TNFSF9: variants seen among roughly 807,000 people sequenced by gnomAD.
TNFSF9 encodes the protein TNF superfamily member 9.
Under a neutral mutation model 10.3 loss-of-function variants are expected in TNFSF9, and 10 were observed. The observed-to-expected ratio is 0.97, with a 90% CI of 0.60 to 1.65. TNFSF9 has a LOEUF of 1.65. Among genes scored for constraint, TNFSF9 ranks in the 40% most tolerant of loss-of-function variants. The pLI, the probability that TNFSF9 is intolerant of heterozygous loss-of-function variation, is 0.00. For missense variants in TNFSF9, 361 were observed against 348.9 expected, an observed-to-expected ratio of 1.03 and a Z score of -0.28; for synonymous variants, 195 against 176.1, an observed-to-expected ratio of 1.11 and a Z score of -0.85.
Position 6,534,827 on chromosome 19 carries a change from G to T in TNFSF9, c.526G>T (p.Ala176Ser), listed in dbSNP as rs765101533. The change falls in exon 3 of 3, where the codon GCC becomes TCC. Residue 176 changes from alanine (A) to serine (S), a missense_variant. Ala to Ser is a moderately conservative substitution (Grantham distance 99, BLOSUM62 1). Coordinates refer to ENST00000245817, the MANE Select transcript of TNFSF9 (RefSeq NM_003811.4). The stretch of plus-strand genomic sequence containing the variant: ...GCAGCCACTGCGCTCTGCTGCTGGG[G>T]CCGCCGCCCTGGCTTTGACCGTGGA... ...HLQPLRSAAGAAALALTVDLP... is the reference protein window; with the variant it reads ...HLQPLRSAAGSAALALTVDLP... 6.2e-7 allele frequency: 1 copy of T among 1,604,590 alleles called. No individual in the cohort carries two copies. Among genetic ancestry groups the T allele is most frequent in the Non-Finnish European group, 8.5e-7 (1 of 1,177,250 alleles).
At chr19:6,532,295 GTGTT>G (rs1286105032) in intron 1 of TNFSF9, among the ~76,000 whole-genome samples, 33 of 127,532 alleles carry the variant, frequency 2.6e-4, no homozygotes, top group Middle Eastern at 4.0e-3. Flanking sequence ...GTGTGTGTGT[GTGTT>G]CGTGTTTGTG....
At chr19:6,534,376 C>T (rs1915217946) in intron 2 of TNFSF9, among the ~76,000 whole-genome samples, 1 of 148,880 alleles carries the variant, frequency 6.7e-6, no homozygotes, top group Admixed American at 6.7e-5. Context: ...AGAGTCCCGC[C>T]CCCAACAACC....
chr19:6,532,701 A>T (rs1010112043), intron 1 of TNFSF9, 85 bp from the exon 2 acceptor site: 1 of 1,599,612 alleles, frequency 6.3e-7, no homozygotes, highest in Non-Finnish European at 8.6e-7. Context: ...GACTCTGGGG[A>T]CCCTGACAGC....
intron 2 of TNFSF9, 134 bp downstream of exon 2, chr19:6,532,950 C>A: frequency 7.8e-7 from 1 of 1,275,470 alleles, no homozygotes. Context: ...TCTCTGAAAG[C>A]TGCTACTTCC....
rs1464903344 is a variant in TNFSF9, at chr19:6,535,010, C to A, written c.709C>A (p.Leu237Ile). ...TACCCAGGGCGCCACAGTCTTGGGA[C>A]TCTTCCGGGTGACCCCCGAAATCCC... Reference protein sequence around the residue: ...QLTQGATVLGLFRVTPEIPAG... With the variant: ...QLTQGATVLGIFRVTPEIPAG... Residue 237 changes from leucine (L) to isoleucine (I), a missense_variant, in exon 3 of 3, where the codon CTC becomes ATC. Leu to Ile is a conservative substitution (Grantham distance 5). Coordinates refer to ENST00000245817, the MANE Select transcript of TNFSF9 (RefSeq NM_003811.4). The A allele has an allele frequency of 3.6e-5, 58 of 1,598,152 alleles. No homozygotes were observed. Among genetic ancestry groups the A allele is most frequent in the Non-Finnish European group, 4.7e-5 (55 of 1,171,372 alleles).
In TNFSF9 at chr19:6,531,270, C is replaced by T. The variant is rs368392154; in HGVS notation, c.234C>T (p.Pro78=). ...TCCGCGAGGGTCCCGAGCTTTCGCC[C>T]GACGATCCCGCCGGCCTCTTGGACC... is the stretch of plus-strand genomic sequence containing the variant. ...PRLREGPELS[P]DDPAGLLDLR... is the part of the protein sequence containing the mutation. The change falls in exon 1 of 3, where the codon CCC becomes CCT. Residue 78 remains proline (P), a synonymous_variant. Transcript: ENST00000245817. 2.7e-6 allele frequency: 4 copies of T among 1,509,396 alleles called. No individual in the cohort carries two copies. Among genetic ancestry groups the T allele is most frequent in the Non-Finnish European group, 3.5e-6 (4 of 1,137,906 alleles). 93.5% of individuals were successfully genotyped at this position (1,509,396 alleles called of 1,614,324 possible).
chr19:6,534,552 G>T, intron 2 of TNFSF9, 48 bp from the exon 3 acceptor site: 1 of 1,510,724 alleles, frequency 6.6e-7, no homozygotes, highest in Non-Finnish European at 8.9e-7. Context: ...ACGCTCAGCT[G>T]TGCTGGGACA....
In TNFSF9 at chr19:6,534,663, C is replaced by G. The variant is rs1003266757; in HGVS notation, c.362C>G (p.Thr121Arg). The G allele has an allele frequency of 3.1e-6, 5 of 1,590,294 alleles. No individual in the cohort carries two copies. The African/African-American group carries it at 4.0e-5, about 13-fold the overall frequency. ...SDPGLAGVSLTGGLSYKEDTK... is the reference protein window; with the variant it reads ...SDPGLAGVSLRGGLSYKEDTK... ...CCAGGCCTGGCAGGCGTGTCCCTGA[C>G]GGGGGGCCTGAGCTACAAAGAGGAC... The change falls in exon 3 of 3, where the codon ACG becomes AGG. Residue 121 changes from threonine to arginine, a missense_variant. Physicochemically the swap from Thr to Arg is moderately conservative, Grantham distance 71. Coordinates refer to ENST00000245817, the MANE Select transcript of TNFSF9 (RefSeq NM_003811.4).
In TNFSF9 at chr19:6,534,810, T is replaced by C; in HGVS notation, c.509T>C (p.Leu170Pro). 1 of 1,602,578 alleles carries C rather than the reference T, an allele frequency of 6.2e-7. No individual in the cohort carries two copies. The highest frequency in any genetic ancestry group is 8.5e-7 in the Non-Finnish European group (1 of 1,175,724). Residue 170 changes from leucine (L) to proline (P), a missense_variant, in exon 3 of 3, where the codon CTG becomes CCG. By Grantham distance (98) the Leu-to-Pro change is moderately conservative. Transcript: ENST00000245817. ...SVSLALHLQP[L>P]RSAAGAAALA... ...TCACTTGCGCTGCACCTGCAGCCAC[T>C]GCGCTCTGCTGCTGGGGCCGCCGCC...
chr19:6,534,453 TCCCGCTCCCTGC>T, intron 2 of TNFSF9, 135 bp from the exon 3 acceptor site: 1 of 275,170 alleles, frequency 3.6e-6, no homozygotes, highest in South Asian at 2.8e-5. Flanking sequence ...TGCTCCCCTG[TCCCGCTCCCTGC>T]CCCGCCATTC....
Position 6,534,716 on chromosome 19 carries a change from G to A in TNFSF9, c.415G>A (p.Gly139Arg). Reference sequence around the variant, plus strand: ...GAAGGAGCTGGTGGTGGCCAAGGCTGGAGTCTACTATGTCTTCTTTCAACT... The same window carrying A: ...GAAGGAGCTGGTGGTGGCCAAGGCTAGAGTCTACTATGTCTTCTTTCAACT... ...DTKELVVAKA[G>R]VYYVFFQLEL... The change falls in exon 3 of 3, where the codon GGA becomes AGA. Residue 139 changes from glycine (G) to arginine (R), a missense_variant. Coordinates refer to ENST00000245817, the MANE Select transcript of TNFSF9 (RefSeq NM_003811.4). 6.3e-7 allele frequency: 1 copy of A among 1,597,010 alleles called. No individual in the cohort carries two copies. The highest frequency in any genetic ancestry group is 8.5e-7 in the Non-Finnish European group (1 of 1,172,172).
chr19:6,531,936 A>G (rs1033615028), intron 1 of TNFSF9, among the ~76,000 whole-genome samples: 24 of 152,016 alleles, frequency 1.6e-4, no homozygotes, highest in African/African-American at 5.6e-4. Flanking sequence ...CGGTTCTCCA[A>G]CCCTCGACGG....
chr19:6,532,588 C>G (rs1267643074), intron 1 of TNFSF9, among the ~76,000 whole-genome samples, 198 bp from the exon 2 acceptor site: 1 of 141,044 alleles, frequency 7.1e-6, no homozygotes, highest in Non-Finnish European at 1.5e-5. Context: ...TGTGTGTGTT[C>G]GTTTGTGTTT....
intron 2 of TNFSF9, among the ~76,000 whole-genome samples, chr19:6,534,307 C>T (rs928802299): frequency 6.6e-6 from 1 of 151,830 alleles, no homozygotes; most frequent in South Asian, 2.1e-4. Context: ...GTCCTTCTCC[C>T]TGGATTCCCT....
At position 6,531,301 on chromosome 19, in the gene TNFSF9, C is replaced by T; in HGVS notation, c.265C>T (p.Gln89Ter). The part of the protein sequence containing the change: ...DDPAGLLDLR[Q>*]GMFAQLVAQN... ...TCCCGCCGGCCTCTTGGACCTGCGG[C>T]AGGTGAGACGTGCCCCGACCCTCGG... The change falls in exon 1 of 3, where the codon CAG (glutamine) becomes TAG (stop). Residue 89 changes from glutamine (Q) to a stop codon, truncating the protein, a stop_gained and splice_region_variant. Transcript: ENST00000245817. LOFTEE classifies it low-confidence loss of function (END_TRUNC). 6.7e-7 allele frequency: 1 copy of T among 1,491,966 alleles called. No individual in the cohort carries two copies. The highest frequency in any genetic ancestry group is 8.9e-7 in the Non-Finnish European group (1 of 1,128,496). 92.4% of individuals were successfully genotyped at this position (1,491,966 alleles called of 1,614,324 possible). A position where few individuals can be genotyped will look rare whatever the true frequency, so the allele number is the denominator to read the frequency against.
intron 2 of TNFSF9, among the ~76,000 whole-genome samples, chr19:6,533,191 C>T (rs1915185307): frequency 6.6e-6 from 1 of 151,062 alleles, no homozygotes; most frequent in Admixed American, 6.6e-5. Flanking sequence ...ACTCTCCCAG[C>T]CTCTCTTCCC....
At position 6,531,100 on chromosome 19, in the gene TNFSF9, C is replaced by T. The variant is rs764767602; in HGVS notation, c.64C>T (p.Arg22Cys). 25 of 1,610,484 alleles carry T rather than the reference C, an allele frequency of 1.6e-5. No homozygotes were observed. Among genetic ancestry groups the T allele is most frequent in the African/African-American group, 2.7e-5 (2 of 74,662 alleles). ...CCCGTGGCCTCCCGCGCCCCGCGCT[C>T]GCGCCTGCCGCGTACTGCCTTGGGC... ...EAPWPPAPRA[R>C]ACRVLPWALV... Residue 22 changes from arginine to cysteine, a missense_variant, in exon 1 of 3, where the codon CGC (arginine) becomes TGC (cysteine). Coordinates refer to ENST00000245817, the MANE Select transcript of TNFSF9 (RefSeq NM_003811.4).
rs368392154 is a variant in TNFSF9, at chr19:6,531,270, C to A, written c.234C>A (p.Pro78=). 2 of 1,509,396 alleles carry A rather than the reference C, an allele frequency of 1.3e-6. No individual in the cohort carries two copies. The highest frequency in any genetic ancestry group is 2.3e-5 in the Admixed American group (1 of 42,802). The allele number at this position is 1,509,396 out of a possible 1,614,324, so 93.5% of individuals were successfully genotyped here. A position where few individuals can be genotyped will look rare whatever the true frequency, so the allele number is the denominator to read the frequency against. ...TCCGCGAGGGTCCCGAGCTTTCGCCCGACGATCCCGCCGGCCTCTTGGACC... is the reference window on the plus strand; with the variant it reads ...TCCGCGAGGGTCCCGAGCTTTCGCCAGACGATCCCGCCGGCCTCTTGGACC... ...PRLREGPELS[P]DDPAGLLDLR... is the part of the protein sequence containing the mutation. The change falls in exon 1 of 3, where the codon CCC becomes CCA. Residue 78 remains proline (P), a synonymous_variant. Coordinates refer to ENST00000245817, the MANE Select transcript of TNFSF9 (RefSeq NM_003811.4).
rs1461539669 is a variant in TNFSF9 at position 6,532,867 on chromosome 19, C to T, written c.298+51C>T. ...CCCTGGCCCCCCACCATCCCCACCC[C>T]GGGATACGAAGAAGGGGGAACCTGG... On this transcript the variant is annotated intron_variant, in intron 2 of 2. Coordinates refer to ENST00000245817, the MANE Select transcript of TNFSF9 (RefSeq NM_003811.4). 5.0e-6 allele frequency: 8 copies of T among 1,612,144 alleles called. No homozygotes were observed. The Admixed American group carries it at 6.7e-5, about 13-fold the overall frequency.
Sources: gnomAD v4.1 joint callset for allele counts (sites outside exome capture counted in the v4.1 genomes callset) on GRCh38, gnomAD v4.1.1 for gene constraint, MANE v1.5 for transcripts, NCBI Gene and HGNC (gene_info 2026-07-23, HGNC 2026-07-21) for gene names.